The following SLC23A3 variants were observed in gnomAD, a reference collection of about 807,000 sequenced individuals.
SLC23A3 encodes E2-binding protein 3.
A neutral mutation model predicts 64.7 loss-of-function variants in SLC23A3; 41 were observed. The observed-to-expected ratio is 0.63, with a 90% CI of 0.49 to 0.82. The LOEUF (loss-of-function observed/expected upper bound fraction) is 0.82, where lower values mean the gene tolerates loss of function less well. Among genes scored for constraint, SLC23A3 ranks in the 40% least tolerant of loss-of-function variants. The pLI, the probability that SLC23A3 is intolerant of heterozygous loss-of-function variation, is 0.00. For missense variants in SLC23A3, 647 were observed against 733.4 expected (o/e 0.88, Z 1.36); for synonymous variants, 281 against 306.8 (o/e 0.92, Z 0.88).
Position 219,169,143 on chromosome 2 carries a change from G to T in SLC23A3, c.419-41C>A. ...GGCATGGAGAAGAGAAGGGTGAATG[G>T]AATGGAGACCCATTGCTCTACAGTC... is the stretch of plus-strand genomic sequence containing the variant. On this transcript the variant is annotated intron_variant, in intron 3 of 11. Transcript: ENST00000409878. The surrounding 1 kb of genome is among the most constrained non-coding windows in gnomAD (Gnocchi z 4.5). The T allele has an allele frequency of 6.2e-7, 1 of 1,603,580 alleles. No individual in the cohort carries two copies. Among genetic ancestry groups the T allele is most frequent in the African/African-American group, 1.3e-5 (1 of 74,914 alleles).
In SLC23A3 at chr2:219,167,937, A is replaced by T. The variant is rs765622890; in HGVS notation, c.906T>A (p.Pro302=). 3 of 1,582,220 alleles carry T rather than the reference A, an allele frequency of 1.9e-6. No individual in the cohort carries two copies. Among genetic ancestry groups the T allele is most frequent in the Non-Finnish European group, 2.6e-6 (3 of 1,171,716 alleles). Residue 302 remains proline, a synonymous_variant, in exon 7 of 12, where the codon CCT becomes CCA. Coordinates refer to ENST00000409878, the MANE Select transcript of SLC23A3 (RefSeq NM_001144889.2). The part of the protein sequence containing the change: ...APTKAPWIWL[P]HPGEWNWPLL... Reference sequence around the variant, plus strand: ...GACTAGGAGAAAACCTACCTGGGTGAGGCAGCCAAATCCATGGTGCCTTGG... The same window carrying T: ...GACTAGGAGAAAACCTACCTGGGTGTGGCAGCCAAATCCATGGTGCCTTGG...
intron 7 of SLC23A3, among the ~76,000 whole-genome samples, chr2:219,167,636 G>A (rs542478947): frequency 4.0e-5 from 6 of 149,170 alleles, no homozygotes; most frequent in African/African-American, 7.4e-5. Context: ...CAGCTACTCC[G>A]GAGGCTTAGG....
At position 219,168,006 on chromosome 2, in the gene SLC23A3, G is replaced by A. The variant is rs1294685779; in HGVS notation, c.837C>T (p.Ala279=). The stretch of plus-strand genomic sequence containing the variant: ...GGGGGATAACACTGAATCCCACAAA[G>A]GCAGAAACAATCCACACACAGGCCA... ...IPVACVWIVS[A]FVGFSVIPQE... Residue 279 remains alanine (A), a synonymous_variant, in exon 7 of 12, where the codon GCC becomes GCT. Coordinates refer to ENST00000409878, the MANE Select transcript of SLC23A3 (RefSeq NM_001144889.2). The A allele has an allele frequency of 6.3e-7, 1 of 1,590,142 alleles. No homozygotes were observed. Among genetic ancestry groups the A allele is most frequent in the Admixed American group, 1.9e-5 (1 of 51,460 alleles).
In SLC23A3 at chr2:219,161,964, C is replaced by G. The variant is rs200292115; in HGVS notation, c.1778G>C (p.Gly593Ala). The G allele has an allele frequency of 2.0e-5, 32 of 1,609,080 alleles. No individual in the cohort carries two copies. The highest frequency in any genetic ancestry group is 1.7e-6 in the Non-Finnish European group (2 of 1,177,084). The change falls in exon 12 of 12, where the codon GGC (glycine) becomes GCC (alanine). Residue 593 changes from glycine (G) to alanine (A), a missense_variant. Transcript: ENST00000409878. ...AGATTCAGGGCATGGCTCCCCTGAG[C>G]CAGGCAGCAAGTCTGCCATCTCTTC... is the stretch of plus-strand genomic sequence containing the variant. ...EPEEMADLLPGSGEPCPESSR... is the reference protein window; with the variant it reads ...EPEEMADLLPASGEPCPESSR...
At chr2:219,165,871 C>G (rs1413187014) in intron 7 of SLC23A3, among the ~76,000 whole-genome samples, 1 of 152,222 alleles carries the variant, frequency 6.6e-6, no homozygotes, top group African/African-American at 2.4e-5. Context: ...CAGTAGCTCA[C>G]GCCTGTAATC....
At chr2:219,163,833 C>G (rs1358763374) in intron 9 of SLC23A3, among the ~76,000 whole-genome samples, 1 of 152,136 alleles carries the variant, frequency 6.6e-6, no homozygotes, top group East Asian at 1.9e-4. Context: ...TCCCGAGTAG[C>G]TGGGATTACA....
Position 219,168,848 on chromosome 2 carries a change from G to C in SLC23A3, c.493-15C>G, listed in dbSNP as rs1317045153. The C allele has an allele frequency of 1.3e-6, 2 of 1,570,298 alleles. No homozygotes were observed. The highest frequency in any genetic ancestry group is 8.6e-7 in the Non-Finnish European group (1 of 1,158,442). On this transcript the variant is annotated splice_polypyrimidine_tract_variant and intron_variant, in intron 4 of 11. Transcript: ENST00000409878. ...GCCCCGGACACCTGGTAGAAGAGAG[G>C]AGAGGATGGAGAGAAAACATTCTGC...
Position 219,169,655 on chromosome 2 carries a change from C to G in SLC23A3, c.186G>C (p.Leu62=), listed in dbSNP as rs1032901309. 6.2e-7 allele frequency: 1 copy of G among 1,614,056 alleles called. No homozygotes were observed. Among genetic ancestry groups the G allele is most frequent in the Non-Finnish European group, 8.5e-7 (1 of 1,179,952 alleles). Residue 62 remains leucine, a synonymous_variant, in exon 2 of 12, where the codon CTG becomes CTC. Coordinates refer to ENST00000409878, the MANE Select transcript of SLC23A3 (RefSeq NM_001144889.2). This position sits in a 1 kb window ranked among gnomAD's most constrained non-coding sequence, Gnocchi z 4.5. ...ALQHVLVMAS[L]LCVSHLLLLC... is the part of the protein sequence containing the mutation. ...GCAGGAGCAGGTGGGAGACACAGAG[C>G]AGAGAAGCCATGACCAAGACATGCT...
chr2:219,165,251 C>T lies in SLC23A3; in HGVS notation c.1085G>A (p.Gly362Asp), dbSNP rs1488966722. The change falls in exon 8 of 12, where the codon GGC becomes GAC. Residue 362 changes from glycine to aspartate, a missense_variant. Transcript: ENST00000409878. The part of the protein sequence containing the change: ...CSRGLSLEGL[G>D]SVLAGLLGSP... The stretch of plus-strand genomic sequence containing the variant: ...TCCCAGCAGCCCGGCCAGCACACTG[C>T]CCAGCCCCTCCAGGCTCAGCCCTCG... The T allele has an allele frequency of 6.4e-7, 1 of 1,551,654 alleles. No homozygotes were observed. Among genetic ancestry groups the T allele is most frequent in the Non-Finnish European group, 8.7e-7 (1 of 1,147,012 alleles).
In SLC23A3 at chr2:219,168,196, G is replaced by GA. The variant is rs1559210294; in HGVS notation, c.796dup (p.Ser266PhefsTer41). On this transcript the variant is annotated frameshift_variant and splice_region_variant, in exon 6 of 12. Coordinates refer to ENST00000409878, the MANE Select transcript of SLC23A3 (RefSeq NM_001144889.2). LOFTEE classifies it high-confidence loss of function. The stretch of plus-strand genomic sequence containing the variant: ...TGCCCTGCCCAGACCCACACATACC[G>GA]AAAGGAGCCGGAAGACAGGGAGAGG... The GA allele has an allele frequency of 1.9e-6, 3 of 1,613,870 alleles. No individual in the cohort carries two copies. Among genetic ancestry groups the GA allele is most frequent in the Non-Finnish European group, 2.5e-6 (3 of 1,179,860 alleles).
In SLC23A3 at chr2:219,169,877, C is replaced by A. The variant is rs765158452; in HGVS notation, c.108G>T (p.Trp36Cys). The change falls in exon 1 of 12, where the codon TGG (tryptophan) becomes TGT (cysteine). Residue 36 changes from tryptophan to cysteine, a missense_variant. Physicochemically the swap from Trp to Cys is radical, Grantham distance 215. Coordinates refer to ENST00000409878, the MANE Select transcript of SLC23A3 (RefSeq NM_001144889.2). This position sits in a 1 kb window ranked among gnomAD's most constrained non-coding sequence, Gnocchi z 4.5. ...PAPQNPSTHS[W>C]DPLCGSLPWG... ...AAGGCAGAGATCCACACAAAGGGTC[C>A]CAAGAGTGGGTGGAGGGATTCTGGG... 1 of 1,613,670 alleles carries A rather than the reference C, an allele frequency of 6.2e-7. No individual in the cohort carries two copies. Among genetic ancestry groups the A allele is most frequent in the South Asian group, 1.1e-5 (1 of 91,058 alleles).
intron 11 of SLC23A3, 35 bp from the exon 12 acceptor site, chr2:219,162,239 C>G (rs944591955): frequency 6.2e-7 from 1 of 1,613,354 alleles, no homozygotes; most frequent in Admixed American, 1.7e-5. Flanking sequence ...TATTGCCCAT[C>G]CCAGGGAGGG....
Position 219,168,279 on chromosome 2 carries a change from G to A in SLC23A3, c.714C>T (p.Gly238=). 1.2e-6 allele frequency: 2 copies of A among 1,613,376 alleles called. No homozygotes were observed. Among genetic ancestry groups the A allele is most frequent in the Non-Finnish European group, 1.7e-6 (2 of 1,179,600 alleles). The change falls in exon 6 of 12, where the codon GGC becomes GGT. Residue 238 remains glycine, a synonymous_variant. Coordinates refer to ENST00000409878, the MANE Select transcript of SLC23A3 (RefSeq NM_001144889.2). The part of the protein sequence containing the change: ...LLMVVCSQHL[G]SCQFHVCPWR... The stretch of plus-strand genomic sequence containing the variant: ...AGGGGCACACATGAAACTGGCAGGA[G>A]CCCAGGTGCTGAGAACAGACCACCA...
chr2:219,169,226 C>T lies in SLC23A3; in HGVS notation c.418+83G>A. ...TGTCACAGTCTCACCACTGCCCAATCTCAATTCTGCACCCACCTACACCTG... is the reference window on the plus strand; with the variant it reads ...TGTCACAGTCTCACCACTGCCCAATTTCAATTCTGCACCCACCTACACCTG... On this transcript the variant is annotated intron_variant, in intron 3 of 11. Transcript: ENST00000409878. The surrounding 1 kb of genome is among the most constrained non-coding windows in gnomAD (Gnocchi z 4.5). 34 of 1,612,300 alleles carry T rather than the reference C, an allele frequency of 2.1e-5. No individual in the cohort carries two copies. The highest frequency in any genetic ancestry group is 2.9e-5 in the Non-Finnish European group (34 of 1,179,110).
chr2:219,166,501 T>A (rs1362441455), intron 7 of SLC23A3, among the ~76,000 whole-genome samples: 1 of 150,076 alleles, frequency 6.7e-6, no homozygotes, highest in African/African-American at 2.4e-5. Flanking sequence ...CTGGCTATTT[T>A]ATTTTATTTT....
intron 7 of SLC23A3, among the ~76,000 whole-genome samples, chr2:219,166,605 G>A (rs2106378130): frequency 6.6e-6 from 1 of 152,206 alleles, no homozygotes; most frequent in Non-Finnish European, 1.5e-5. Context: ...TGCAATCATA[G>A]CACACCGCAG....
At chr2:219,168,146 C>A (rs776055599) in intron 6 of SLC23A3, 49 bp downstream of exon 6, 2 of 1,605,284 alleles carry the variant, frequency 1.2e-6, no homozygotes, top group South Asian at 1.1e-5. Flanking sequence ...AGTGAGCACT[C>A]CAGGCCAGCC....
At chr2:219,163,328 C>G in intron 10 of SLC23A3, 60 bp downstream of exon 10, 2 of 1,556,956 alleles carry the variant, frequency 1.3e-6, no homozygotes, top group Non-Finnish European at 1.8e-6. Context: ...GGAGTCCGGG[C>G]AGCCTGAAGC....
At chr2:219,166,186 T>C (rs1489718087) in intron 7 of SLC23A3, among the ~76,000 whole-genome samples, 1 of 151,966 alleles carries the variant, frequency 6.6e-6, no homozygotes, top group East Asian at 1.9e-4. Context: ...TTCCCTATTA[T>C]AAGTTTTTTG....
Sources: allele counts gnomAD v4.1 joint callset (sites outside exome capture counted in the v4.1 genomes callset), GRCh38; gene constraint gnomAD v4.1.1; non-coding constraint Gnocchi (gnomAD v3.1); transcripts MANE v1.5; gene names NCBI Gene and HGNC (gene_info 2026-07-23, HGNC 2026-07-21).